The following DCTN4 variants were observed in gnomAD, a reference collection of about 807,000 sequenced individuals.
DCTN4 encodes the protein dynactin 4 (p62).
In DCTN4, 23 loss-of-function variants were observed where a neutral mutation model predicts 62.7. That is an observed-to-expected ratio of 0.37 (90% CI 0.26 to 0.52). The LOEUF (loss-of-function observed/expected upper bound fraction) is 0.52. Ranked by LOEUF, DCTN4 falls within the 20% of genes least tolerant of loss-of-function variation. The probability of loss-of-function intolerance (pLI) is 0.92; values close to 1 mark genes in which losing one functional copy is unlikely to be tolerated. For missense variants in DCTN4, 514 were observed against 580.4 expected (o/e 0.89, Z 1.18); for synonymous variants, 199 against 202.1 (o/e 0.98, Z 0.13).
chr5:150,756,528 C>T, intron 1 of DCTN4, 41 bp from the exon 2 acceptor site: 1 of 1,320,998 alleles, frequency 7.6e-7, no homozygotes, highest in Non-Finnish European at 1.1e-6. Context: ...CAGAGGAGAA[C>T]TCAGTTTAAC....
rs1184539516 is a variant in DCTN4 at position 150,758,895 on chromosome 5, A to G, written c.99T>C (p.Cys33=). Residue 33 remains cysteine (C), a synonymous_variant, in exon 1 of 13, where the codon TGT becomes TGC. Transcript: ENST00000447998. ...CACATTCCAGCGACCGCAGTTCGCTACAATAGCGGCAGAAGTAGAGTTGCG... is the reference window on the plus strand; with the variant it reads ...CACATTCCAGCGACCGCAGTTCGCTGCAATAGCGGCAGAAGTAGAGTTGCG... ...PLSQLYFCRY[C]SELRSLECVS... The G allele has an allele frequency of 1.9e-6, 3 of 1,614,032 alleles. No homozygotes were observed. The highest frequency in any genetic ancestry group is 3.3e-5 in the Admixed American group (2 of 60,010).
At chr5:150,731,663 T>C (rs1250582151) in intron 5 of DCTN4, 174 bp from the exon 6 acceptor site, 2 of 641,058 alleles carry the variant, frequency 3.1e-6, no homozygotes, top group African/African-American at 1.8e-5. Context: ...CATTATTCTA[T>C]TCTTAAAATA....
intron 2 of DCTN4, chr5:150,755,433 C>A: frequency 2.3e-6 from 1 of 425,968 alleles, no homozygotes; most frequent in Non-Finnish European, 4.7e-6. Context: ...AGAAACCTGA[C>A]AAACACTAGC....
chr5:150,753,498 G>A lies in DCTN4; in HGVS notation c.366C>T (p.Gly122=). The A allele has an allele frequency of 6.2e-7, 1 of 1,614,020 alleles. No homozygotes were observed. The highest frequency in any genetic ancestry group is 8.5e-7 in the Non-Finnish European group (1 of 1,179,922). The stretch of plus-strand genomic sequence containing the variant: ...ACTCACCTACAGATTTGTCTGCCAT[G>A]CCCACATCTCTAGACGTCCAGCGAC... ...GFCRWTSRDV[G]MADKSVASGG... The change falls in exon 3 of 13, where the codon GGC becomes GGT. Residue 122 remains glycine, a synonymous_variant. Transcript: ENST00000447998.
At chr5:150,731,957 C>T in intron 5 of DCTN4, 2 of 1,529,076 alleles carry the variant, frequency 1.3e-6, no homozygotes, top group Non-Finnish European at 1.8e-6. Flanking sequence ...AAAAATGCAG[C>T]ATAAGATAGA....
intron 3 of DCTN4, among the ~76,000 whole-genome samples, chr5:150,745,897 C>A (rs1389573378): frequency 1.3e-5 from 2 of 151,902 alleles, no homozygotes; most frequent in East Asian, 3.8e-4. Flanking sequence ...AAAGCAAGAG[C>A]AAACACATTC....
At position 150,711,157 on chromosome 5, in the gene DCTN4, G is replaced by T. The variant is rs748231357; in HGVS notation, c.1375C>A (p.Leu459Ile). Reference sequence around the variant, plus strand: ...CCCTCCAGTGGAACCTTTTAAGGAAGAAGTGGGCCCAAGCTAAGTTCCACA... The same window carrying T: ...CCCTCCAGTGGAACCTTTTAAGGAATAAGTGGGCCCAAGCTAAGTTCCACA... ...QHVELSLGPL[L>I]P Residue 459 changes from leucine to isoleucine, a missense_variant, in exon 13 of 13, where the codon CTT becomes ATT. Transcript: ENST00000447998. The T allele has an allele frequency of 1.2e-6, 2 of 1,612,224 alleles. No homozygotes were observed. Among genetic ancestry groups the T allele is most frequent in the Non-Finnish European group, 1.7e-6 (2 of 1,179,982 alleles).
In DCTN4 at chr5:150,719,701, G is replaced by A. The variant is rs770208668; in HGVS notation, c.963+15C>T. On this transcript the variant is annotated intron_variant, in intron 10 of 12. Transcript: ENST00000447998. Reference sequence around the variant, plus strand: ...ATCAATCCTTTTTCTTCCTGTTAATGAGCAAGGTACTAACCTTCATGTAGC... The same window carrying A: ...ATCAATCCTTTTTCTTCCTGTTAATAAGCAAGGTACTAACCTTCATGTAGC... 1 of 1,588,344 alleles carries A rather than the reference G, an allele frequency of 6.3e-7. No homozygotes were observed. The highest frequency in any genetic ancestry group is 8.6e-7 in the Non-Finnish European group (1 of 1,157,076).
chr5:150,719,877 G>C, intron 9 of DCTN4, 107 bp from the exon 10 acceptor site: 1 of 679,092 alleles, frequency 1.5e-6, no homozygotes, highest in Non-Finnish European at 2.4e-6. Context: ...TAATTAGAAT[G>C]TATCAGAAAA....
chr5:150,731,331 G>T, intron 6 of DCTN4, 85 bp downstream of exon 6: 1 of 1,172,228 alleles, frequency 8.5e-7, no homozygotes, highest in Non-Finnish European at 1.3e-6. Flanking sequence ...ACAACTGTGT[G>T]TGTGTGTGTG....
chr5:150,751,782 T>C (rs1752685529), intron 3 of DCTN4, among the ~76,000 whole-genome samples: 1 of 152,160 alleles, frequency 6.6e-6, no homozygotes, highest in African/African-American at 2.4e-5. Flanking sequence ...ATCAACTCAA[T>C]GTACAAAGTC....
At chr5:150,713,213 T>C (rs1759632277) in intron 12 of DCTN4, among the ~76,000 whole-genome samples, 1 of 152,200 alleles carries the variant, frequency 6.6e-6, no homozygotes, top group Non-Finnish European at 1.5e-5. Flanking sequence ...TCTTTCTTTT[T>C]ATCCTTAATT....
intron 11 of DCTN4, among the ~76,000 whole-genome samples, chr5:150,717,203 T>C (rs1461241358): frequency 6.6e-6 from 1 of 152,204 alleles, no homozygotes; most frequent in Non-Finnish European, 1.5e-5. Context: ...GAGGCCATAT[T>C]ACATCCATTC....
intron 3 of DCTN4, 99 bp from the exon 4 acceptor site, chr5:150,742,256 T>G: frequency 8.2e-7 from 1 of 1,213,816 alleles, no homozygotes; most frequent in Non-Finnish European, 1.2e-6. Flanking sequence ...ACTTAAAACA[T>G]AAGTTATATA....
chr5:150,754,792 T>C (rs1030713960), intron 2 of DCTN4, among the ~76,000 whole-genome samples: 5 of 152,070 alleles, frequency 3.3e-5, no homozygotes, highest in Admixed American at 6.6e-5. Flanking sequence ...GGCAAAAGCC[T>C]ATCTCTCCAA....
Position 150,730,663 on chromosome 5 carries a change from G to A in DCTN4, c.802C>T (p.His268Tyr). The A allele has an allele frequency of 6.2e-7, 1 of 1,614,086 alleles. No homozygotes were observed. The highest frequency in any genetic ancestry group is 8.5e-7 in the Non-Finnish European group (1 of 1,179,958). Reference protein sequence around the residue: ...CASQLYPRHKHLLIKRSLRCR... With the variant: ...CASQLYPRHKYLLIKRSLRCR... ...CGCAGGGACCGTTTGATCAGAAGAT[G>A]TTTGTGGCGAGGATAGAGCTGTGAA... is the stretch of plus-strand genomic sequence containing the variant. Residue 268 changes from histidine to tyrosine, a missense_variant, in exon 8 of 13, where the codon CAT becomes TAT. Coordinates refer to ENST00000447998, the MANE Select transcript of DCTN4 (RefSeq NM_016221.4).
intron 8 of DCTN4, among the ~76,000 whole-genome samples, chr5:150,727,012 G>A (rs1282687202): frequency 6.6e-6 from 1 of 152,068 alleles, no homozygotes; most frequent in East Asian, 1.9e-4. Context: ...CAAACCCCAG[G>A]TACTTAATGT....
chr5:150,740,402 T>TAA (rs1760726447), intron 4 of DCTN4, among the ~76,000 whole-genome samples: 2 of 151,242 alleles, frequency 1.3e-5, no homozygotes, highest in South Asian at 4.2e-4. Context: ...AAAAAAGTAA[T>TAA]AGATGCTGGC....
At chr5:150,754,616 C>T (rs1006074534) in intron 2 of DCTN4, among the ~76,000 whole-genome samples, 6 of 152,164 alleles carry the variant, frequency 3.9e-5, no homozygotes, top group Non-Finnish European at 8.8e-5. Flanking sequence ...TAAGACTATT[C>T]TCCAATAAAG....
Sources: allele counts gnomAD v4.1 joint callset (sites outside exome capture counted in the v4.1 genomes callset), GRCh38; gene constraint gnomAD v4.1.1; transcripts MANE v1.5; gene names NCBI Gene and HGNC (gene_info 2026-07-23, HGNC 2026-07-21).